DLGAP4: variants seen among roughly 807,000 people sequenced by gnomAD.
DLGAP4 encodes disks large-associated protein 4.
Under a neutral mutation model 86.9 loss-of-function variants are expected in DLGAP4, and 18 were observed. That is an observed-to-expected ratio of 0.21 (90% CI 0.14 to 0.31). The LOEUF (loss-of-function observed/expected upper bound fraction) is 0.31. DLGAP4 is among the 10% of genes least tolerant of loss of function. The pLI is 1.00. For synonymous variants in DLGAP4, 548 were observed against 574.3 expected, an observed-to-expected ratio of 0.95 and a Z score of 0.65; for missense variants, 1,085 against 1,362.6, an observed-to-expected ratio of 0.80 and a Z score of 3.21.
At chr20:36,403,544 T>C (rs2032225331) in intron 2 of DLGAP4, among the ~76,000 whole-genome samples, 1 of 152,244 alleles carries the variant, frequency 6.6e-6, no homozygotes, top group African/African-American at 2.4e-5. Context: ...AGGAGACCGA[T>C]AGTCTGAGCT....
intron 12 of DLGAP4, among the ~76,000 whole-genome samples, chr20:36,526,293 G>A (rs1429099384): frequency 6.6e-6 from 1 of 150,874 alleles, no homozygotes; most frequent in African/African-American, 2.5e-5. Context: ...AACAGAGGAG[G>A]CAGCAAAAAT....
chr20:36,394,177 G>A (rs1055763403), intron 2 of DLGAP4, among the ~76,000 whole-genome samples: 10 of 152,242 alleles, frequency 6.6e-5, no homozygotes, highest in African/African-American at 2.2e-4. Context: ...CACTTTGTCC[G>A]TGTGAAGTGC....
At chr20:36,394,359 C>G (rs78356310) in intron 2 of DLGAP4, among the ~76,000 whole-genome samples, 1 of 152,082 alleles carries the variant, frequency 6.6e-6, no homozygotes, top group Non-Finnish European at 1.5e-5. Flanking sequence ...CACTGCCCTG[C>G]GACTCTGCCC....
rs568528494 is a variant in DLGAP4 at position 36,459,638 on chromosome 20, G to A, written c.1648+12701G>A. Among the ~76,000 whole-genome samples the A allele has an allele frequency of 3.9e-5, 6 of 152,054 alleles. No homozygotes were observed. The East Asian group carries it at 5.8e-4, about 15-fold the overall frequency. On this transcript the variant is annotated intron_variant, in intron 7 of 12. Transcript: ENST00000339266. The stretch of plus-strand genomic sequence containing the variant: ...TTAATTTTTTTTGAAACGGAGTTTC[G>A]CTCTTGTTGCCCAGGCTGGAGTGCA...
Position 36,432,706 on chromosome 20 carries a change from A to T in DLGAP4, c.989A>T (p.His330Leu). 1.2e-6 allele frequency: 2 copies of T among 1,612,942 alleles called. No homozygotes were observed. The highest frequency in any genetic ancestry group is 1.7e-6 in the Non-Finnish European group (2 of 1,179,656). The change falls in exon 3 of 13, where the codon CAT becomes CTT. Residue 330 changes from histidine (H) to leucine (L), a missense_variant. Coordinates refer to ENST00000339266, the MANE Select transcript of DLGAP4 (RefSeq NM_001365621.2). This position sits in a 1 kb window ranked among gnomAD's most constrained non-coding sequence, Gnocchi z 6.5. ...TCCTGCCACCAGGGTCTAGCCTACCATTACCTGCAGGTGGGTCTCTGGCAG... is the reference window on the plus strand; with the variant it reads ...TCCTGCCACCAGGGTCTAGCCTACCTTTACCTGCAGGTGGGTCTCTGGCAG... ...SKSCHQGLAY[H>L]YLQVPGGGGE...
rs550148757 is a variant in DLGAP4, at chr20:36,528,285, C to G, written c.*1254C>G. 6.6e-6 allele frequency: 1 copy of G among 152,662 alleles called. No homozygotes were observed. Among genetic ancestry groups the G allele is most frequent in the African/African-American group, 2.4e-5 (1 of 41,384 alleles). The allele number at this position is 152,662 out of a possible 1,614,324, so 9.5% of individuals were successfully genotyped here. On this transcript the variant is annotated 3_prime_UTR_variant, in exon 13 of 13. Coordinates refer to ENST00000339266, the MANE Select transcript of DLGAP4 (RefSeq NM_001365621.2). ...CCCGCATCCCACTCCCAGGGTGTCACGAGCCCTGAGCTGCAATGGCCCGGG... is the reference window on the plus strand; with the variant it reads ...CCCGCATCCCACTCCCAGGGTGTCAGGAGCCCTGAGCTGCAATGGCCCGGG...
chr20:36,495,778 C>T (rs1435483679), intron 7 of DLGAP4, among the ~76,000 whole-genome samples: 1 of 152,176 alleles, frequency 6.6e-6, no homozygotes, highest in Middle Eastern at 3.2e-3. Context: ...ACGGGTTTCA[C>T]ATAACGAGAA....
At position 36,308,600 on chromosome 20, in the gene DLGAP4, C is replaced by T. The variant is rs544226830; in HGVS notation, c.-304+2088C>T. 7.2e-5 allele frequency among the ~76,000 whole-genome samples: 11 copies of T among 152,258 alleles called. No homozygotes were observed. The highest frequency in any genetic ancestry group is 2.1e-4 in the South Asian group (1 of 4,824). The stretch of plus-strand genomic sequence containing the variant: ...GAGCTTTCGGGAGACGCTGACGTAT[C>T]GGATGTATCGGGGCACCCACTGACA... On this transcript the variant is annotated intron_variant, in intron 1 of 12. Transcript: ENST00000339266. This position sits in a 1 kb window ranked among gnomAD's most constrained non-coding sequence, Gnocchi z 4.5.
At chr20:36,525,227 AAAAAAAAAAAAAAAAAAAAAAAAAAAAC>A (rs1294382009) in intron 11 of DLGAP4, among the ~76,000 whole-genome samples, 26 of 58,010 alleles carry the variant, frequency 4.5e-4, no homozygotes, top group Non-Finnish European at 7.8e-4. Context: ...AAAAAAAAAA[AAAAAAAAAAAAAAAAAAAAAAAAAAAAC>A]AAAGAAATCC....
chr20:36,375,243 G>A (rs1422046756), intron 2 of DLGAP4, among the ~76,000 whole-genome samples: 2 of 152,090 alleles, frequency 1.3e-5, no homozygotes, highest in African/African-American at 2.4e-5. Context: ...GCTTGGGTTT[G>A]GGCAGCTTTT....
At position 36,358,287 on chromosome 20, in the gene DLGAP4, C is replaced by T. The variant is rs150657705; in HGVS notation, c.-303-8758C>T. 5.6e-3 allele frequency among the ~76,000 whole-genome samples: 846 copies of T among 152,326 alleles called. 4 individuals carry two copies. The highest frequency in any genetic ancestry group is 0.02 in the Middle Eastern group (6 of 294). ...ACTGTCCCTCCTCTCACTCCTCCAG[C>T]TGAGTCCATCCCCGTCCTCGTGGCT... On this transcript the variant is annotated intron_variant, in intron 1 of 12. Transcript: ENST00000339266.
chr20:36,426,377 T>C (rs540382920), intron 2 of DLGAP4, among the ~76,000 whole-genome samples: 22 of 152,214 alleles, frequency 1.4e-4, no homozygotes, highest in African/African-American at 5.3e-4. Flanking sequence ...TAGCTGGGCA[T>C]GGTGGCATGC....
At chr20:36,490,616 C>T (rs2035617909) in intron 7 of DLGAP4, among the ~76,000 whole-genome samples, 1 of 152,184 alleles carries the variant, frequency 6.6e-6, no homozygotes, top group Non-Finnish European at 1.5e-5. Flanking sequence ...ACTGTCTTTG[C>T]TGTAAAGCCT....
intron 2 of DLGAP4, among the ~76,000 whole-genome samples, chr20:36,400,747 C>T (rs1301715699): frequency 6.6e-6 from 1 of 150,666 alleles, no homozygotes; most frequent in Non-Finnish European, 1.5e-5. Context: ...AGATCTTTCG[C>T]ACTCTGGAGT....
At chr20:36,309,157 C>G (rs2065031295) in intron 1 of DLGAP4, among the ~76,000 whole-genome samples, 1 of 152,168 alleles carries the variant, frequency 6.6e-6, no homozygotes, top group African/African-American at 2.4e-5. Context: ...TGCTCATCAC[C>G]CAAGCTTAAG....
chr20:36,363,031 C>T (rs1555894339), intron 1 of DLGAP4, among the ~76,000 whole-genome samples: 1 of 152,204 alleles, frequency 6.6e-6, no homozygotes, highest in African/African-American at 2.4e-5. Flanking sequence ...ACTTTTGAGT[C>T]CTCCTGCTAG....
At chr20:36,313,660 T>C (rs893544471) in intron 1 of DLGAP4, among the ~76,000 whole-genome samples, 1 of 152,082 alleles carries the variant, frequency 6.6e-6, no homozygotes, top group Non-Finnish European at 1.5e-5. Context: ...GTCAGGGCTC[T>C]CTGCCGCCTG....
intron 7 of DLGAP4, chr20:36,473,200 T>C (rs1430929338): frequency 6.6e-6 from 1 of 152,252 alleles, no homozygotes; most frequent in Non-Finnish European, 1.5e-5. Context: ...GTCTTTACCA[T>C]GAAAACTCTT....
At chr20:36,334,311 T>C (rs1555891875) in intron 1 of DLGAP4, among the ~76,000 whole-genome samples, 1 of 152,062 alleles carries the variant, frequency 6.6e-6, no homozygotes, top group African/African-American at 2.4e-5. Flanking sequence ...TGCTGGCTGA[T>C]GGCGAGCTGG....
Sources: gnomAD v4.1 joint callset for allele counts (sites outside exome capture counted in the v4.1 genomes callset) on GRCh38, gnomAD v4.1.1 for gene constraint, Gnocchi (gnomAD v3.1) non-coding constraint, MANE v1.5 for transcripts, NCBI Gene and HGNC (gene_info 2026-07-23, HGNC 2026-07-21) for gene names.